CBFA2T2: variants seen among roughly 807,000 people sequenced by gnomAD.
CBFA2T2 encodes the protein CBFA2/RUNX1 partner transcriptional co-repressor 2, also known as protein CBFA2T2.
CBFA2T2 carries 11 observed loss-of-function variants against 62.2 expected under a neutral mutation model. That is an observed-to-expected ratio of 0.18 (90% confidence interval 0.11 to 0.29). The LOEUF is 0.29. Among genes scored for constraint, CBFA2T2 ranks in the 10% least tolerant of loss-of-function variants. CBFA2T2 has a pLI of 1.00. For missense variants in CBFA2T2, 592 were observed against 774.1 expected (o/e 0.76, Z 2.79); for synonymous variants, 295 against 287.5 (o/e 1.03, Z -0.27).
intron 1 of CBFA2T2, among the ~76,000 whole-genome samples, chr20:33,514,218 T>TTG (rs2011561064): frequency 7.6e-6 from 1 of 130,808 alleles, no homozygotes; most frequent in Non-Finnish European, 1.6e-5. Flanking sequence ...TTTTTTTTTT[T>TTG]TTTTTTTTTT....
chr20:33,601,178 T>A (rs547346405), intron 1 of CBFA2T2, among the ~76,000 whole-genome samples: 1 of 152,124 alleles, frequency 6.6e-6, no homozygotes, highest in South Asian at 2.1e-4. Context: ...TCTCCCAAAG[T>A]CTTGGGATTA....
intron 1 of CBFA2T2, among the ~76,000 whole-genome samples, chr20:33,535,732 G>A (rs1463261503): frequency 6.7e-6 from 1 of 150,004 alleles, no homozygotes; most frequent in Non-Finnish European, 1.5e-5. Context: ...GAGTTGGCAG[G>A]GTCATAGGAC....
intron 1 of CBFA2T2, among the ~76,000 whole-genome samples, chr20:33,528,691 C>CGTGTGT (rs11471183): frequency 1.3e-5 from 2 of 150,232 alleles, no homozygotes; most frequent in Non-Finnish European, 3.0e-5. Flanking sequence ...AATGTCCACT[C>CGTGTGT]GTGTGTGTGT....
rs1294869320 is a variant in CBFA2T2, at chr20:33,600,444, T to C, written c.35-6512T>C. ...CTCAGGTGATCTGCCTGCATTGGCC[T>C]CCCAACGTGCTGGGATTACAGGTAT... On this transcript the variant is annotated intron_variant, in intron 1 of 10. Transcript: ENST00000342704. 6 of 399,316 alleles carry C rather than the reference T, an allele frequency of 1.5e-5. No individual in the cohort carries two copies. The Admixed American group carries it at 1.7e-4, about 11-fold the overall frequency. The allele number at this position is 399,316 out of a possible 1,614,324, so 24.7% of individuals were successfully genotyped here. A position where few individuals can be genotyped will look rare whatever the true frequency, so the allele number is the denominator to read the frequency against.
chr20:33,619,472 G>T, intron 3 of CBFA2T2, 45 bp from the exon 4 acceptor site: 1 of 1,077,108 alleles, frequency 9.3e-7, no homozygotes, highest in Non-Finnish European at 1.3e-6. Flanking sequence ...TATAAGTTTT[G>T]GAAGTCCAGT....
chr20:33,554,890 G>C (rs1161174194), intron 1 of CBFA2T2, among the ~76,000 whole-genome samples: 1 of 151,726 alleles, frequency 6.6e-6, no homozygotes, highest in African/African-American at 2.4e-5. Context: ...CCCATTATAG[G>C]TATTAAAATG....
chr20:33,539,117 G>A (rs946107407), intron 1 of CBFA2T2, among the ~76,000 whole-genome samples: 7 of 152,148 alleles, frequency 4.6e-5, no homozygotes, highest in African/African-American at 7.2e-5. Flanking sequence ...GTTGAGGTTC[G>A]GAAATTTGGT....
chr20:33,614,342 G>GT (rs1481530345), intron 3 of CBFA2T2, among the ~76,000 whole-genome samples: 2 of 152,064 alleles, frequency 1.3e-5, no homozygotes, highest in Non-Finnish European at 2.9e-5. Context: ...ATGTGTCCCT[G>GT]TTTGCCATTG....
intron 1 of CBFA2T2, among the ~76,000 whole-genome samples, chr20:33,538,070 G>A (rs755500721): frequency 1.3e-5 from 2 of 150,474 alleles, no homozygotes; most frequent in Non-Finnish European, 2.9e-5. Flanking sequence ...AAGAGCTGAC[G>A]TCTTAACAGT....
intron 1 of CBFA2T2, among the ~76,000 whole-genome samples, chr20:33,512,007 C>A (rs2011519266): frequency 6.6e-6 from 1 of 152,146 alleles, no homozygotes; most frequent in Non-Finnish European, 1.5e-5. Flanking sequence ...TGAAACCCTG[C>A]CTCTACTAAA....
At position 33,644,334 on chromosome 20, in the gene CBFA2T2, C is replaced by T. The variant is rs1470591845; in HGVS notation, c.1489-13C>T. 6.2e-7 allele frequency: 1 copy of T among 1,602,170 alleles called. No homozygotes were observed. The highest frequency in any genetic ancestry group is 8.5e-7 in the Non-Finnish European group (1 of 1,171,600). ...AATCCCAGCAACCACTAACTGATGC[C>T]TGTGTCTTGCAGAACTGCTGGAACT... is the stretch of plus-strand genomic sequence containing the variant. On this transcript the variant is annotated splice_polypyrimidine_tract_variant and intron_variant, in intron 10 of 10. Transcript: ENST00000342704.
chr20:33,535,642 T>C (rs866179179), intron 1 of CBFA2T2, among the ~76,000 whole-genome samples: 3 of 149,444 alleles, frequency 2.0e-5, no homozygotes, highest in Admixed American at 6.7e-5. Context: ...TTTGACCTTT[T>C]AAATATTTAT....
In CBFA2T2 at chr20:33,640,337, C is replaced by A; in HGVS notation, c.1298-4C>A. ...CAGTTGATTTTACTGTCACTTTCTT[C>A]TAGAAGAAGCTGTGAATAAGGTGAA... On this transcript the variant is annotated splice_region_variant and splice_polypyrimidine_tract_variant and intron_variant, in intron 9 of 10. Transcript: ENST00000342704. 1.1e-5 allele frequency: 18 copies of A among 1,609,760 alleles called. No homozygotes were observed. Among genetic ancestry groups the A allele is most frequent in the Non-Finnish European group, 1.5e-5 (18 of 1,176,936 alleles).
intron 1 of CBFA2T2, among the ~76,000 whole-genome samples, chr20:33,505,220 A>G (rs143641533): frequency 1.2e-4 from 18 of 152,278 alleles, no homozygotes; most frequent in African/African-American, 4.3e-4. Flanking sequence ...TAGAGGTGTA[A>G]TAGAGGAAGA....
At chr20:33,501,793 C>T (rs1038307766) in intron 1 of CBFA2T2, among the ~76,000 whole-genome samples, 60 of 151,648 alleles carry the variant, frequency 4.0e-4, no homozygotes, top group Non-Finnish European at 6.6e-4. Flanking sequence ...GCACATGCCA[C>T]CACACCCAGC....
At chr20:33,548,466 ACTC>A (rs2012640977) in intron 1 of CBFA2T2, among the ~76,000 whole-genome samples, 1 of 151,190 alleles carries the variant, frequency 6.6e-6, no homozygotes, top group African/African-American at 2.4e-5. Flanking sequence ...CTGGTCTCGA[ACTC>A]CTGACCTCAG....
chr20:33,592,703 C>G (rs1303388343), intron 1 of CBFA2T2, among the ~76,000 whole-genome samples: 6 of 151,638 alleles, frequency 4.0e-5, no homozygotes, highest in Non-Finnish European at 8.8e-5. Context: ...AAAAAAAATA[C>G]AAAATTCATG....
intron 1 of CBFA2T2, among the ~76,000 whole-genome samples, chr20:33,513,518 C>T (rs936994669): frequency 4.6e-5 from 7 of 151,692 alleles, no homozygotes; most frequent in African/African-American, 7.3e-5. Flanking sequence ...CCCACCATCA[C>T]GCCCAGCTAA....
At chr20:33,536,452 C>T (rs1169999136) in intron 1 of CBFA2T2, among the ~76,000 whole-genome samples, 23 of 148,098 alleles carry the variant, frequency 1.6e-4, no homozygotes, top group Non-Finnish European at 2.2e-4. Context: ...CCCTCCCGGA[C>T]GGGGCGGCTG....
Sources: allele counts gnomAD v4.1 joint callset (sites outside exome capture counted in the v4.1 genomes callset), GRCh38; gene constraint gnomAD v4.1.1; transcripts MANE v1.5; gene names NCBI Gene and HGNC (gene_info 2026-07-23, HGNC 2026-07-21).